BLACAT1: variants seen among roughly 807,000 people sequenced by gnomAD.
BLACAT1 encodes the protein bladder cancer associated transcript 1.
chr1:205,436,304 T>C (rs1666203341), downstream of BLACAT1: 5 of 152,168 alleles, frequency 3.3e-5, no homozygotes, highest in Admixed American at 3.3e-4. Flanking sequence ...TCTTCCTCAG[T>C]ATGACGACTT....
At chr1:205,451,854 A>G (rs1558747782) in intron 1 of BLACAT1, among the ~76,000 whole-genome samples, 1 of 152,150 alleles carries the variant, frequency 6.6e-6, no homozygotes. Flanking sequence ...TAGATGAGAA[A>G]ACTGAGGTTG....
In BLACAT1 at chr1:205,443,702, T is replaced by TA. The variant is rs560328235; in HGVS notation, c.-36-2641dup. 2.2e-4 allele frequency among the ~76,000 whole-genome samples: 33 copies of TA among 152,326 alleles called. 1 individual carries two copies. The East Asian group carries it at 5.8e-3, about 27-fold the overall frequency. On this transcript the variant is annotated intron_variant, in intron 1 of 1. Coordinates refer to ENST00000629624, the Ensembl canonical transcript of BLACAT1. ...CCTTCCTCTTCTCTAACAGGGTCTCTAAAAGGGTCCTCACTGTAAGGTGCA... is the reference window on the plus strand; with the variant it reads ...CCTTCCTCTTCTCTAACAGGGTCTCTAAAAAGGGTCCTCACTGTAAGGTGCA...
downstream of BLACAT1, among the ~76,000 whole-genome samples, chr1:205,438,790 T>G (rs1046437417): frequency 2.0e-5 from 3 of 151,936 alleles, no homozygotes; most frequent in African/African-American, 4.8e-5. Context: ...GCTCAAGATA[T>G]CTAGTATCCC....
Position 205,450,148 on chromosome 1 carries a change from A to G in BLACAT1, c.-37+5769T>C, listed in dbSNP as rs1666474188. ...GGCTGGGCAGGCGGGGCAGCCAGGT[A>G]TTCCTTCAACCCTGACTTGGGCCTG... On this transcript the variant is annotated intron_variant, in intron 1 of 1. Transcript: ENST00000629624. The surrounding 1 kb of genome is among the most constrained non-coding windows in gnomAD (Gnocchi z 4.4). Among the ~76,000 whole-genome samples the G allele has an allele frequency of 1.3e-5, 2 of 151,954 alleles. No homozygotes were observed. Among genetic ancestry groups the G allele is most frequent in the Non-Finnish European group, 2.9e-5 (2 of 67,974 alleles).
At chr1:205,453,531 TGA>T (rs1291125852) in intron 1 of BLACAT1, among the ~76,000 whole-genome samples, 1 of 152,206 alleles carries the variant, frequency 6.6e-6, no homozygotes, top group East Asian at 1.9e-4. Context: ...GCCTCAGTTC[TGA>T]GACTTCCCAG....
At chr1:205,438,816 G>A (rs1260931450), downstream of BLACAT1, among the ~76,000 whole-genome samples, 1 of 152,074 alleles carries the variant, frequency 6.6e-6, no homozygotes, top group Admixed American at 6.6e-5. Context: ...AGCCAAGGGA[G>A]TTCTCCCGGG....
At chr1:205,447,973 G>A (rs550248021) in intron 1 of BLACAT1, among the ~76,000 whole-genome samples, 14 of 152,308 alleles carry the variant, frequency 9.2e-5, no homozygotes, top group African/African-American at 3.4e-4. Context: ...TGAGGCCCTT[G>A]ACTTCAGCCC....
downstream of BLACAT1, chr1:205,437,904 A>G (rs573947354): frequency 2.6e-5 from 4 of 152,298 alleles, no homozygotes; most frequent in East Asian, 7.7e-4. Flanking sequence ...TGTGTATTTC[A>G]GTTAGTTAAT....
Position 205,448,424 on chromosome 1 carries a change from T to C in BLACAT1, c.-36-7362A>G, listed in dbSNP as rs775323806. 9.4e-6 allele frequency: 5 copies of C among 533,192 alleles called. No individual in the cohort carries two copies. Among genetic ancestry groups the C allele is most frequent in the Admixed American group, 1.9e-5 (1 of 51,402 alleles). The allele number at this position is 533,192 out of a possible 1,614,324, so 33.0% of individuals were successfully genotyped here. On this transcript the variant is annotated intron_variant, in intron 1 of 1. Coordinates refer to ENST00000629624, the Ensembl canonical transcript of BLACAT1. This position sits in a 1 kb window ranked among gnomAD's most constrained non-coding sequence, Gnocchi z 4.7. ...GAGGGGTCCAGCGGCAGGAATCTCA[T>C]AGGGAAGCGAGAAGCTGGGGCACCC...
At position 205,448,449 on chromosome 1, in the gene BLACAT1, C is replaced by G. The variant is rs1030774600; in HGVS notation, c.-36-7387G>C. 9 of 529,210 alleles carry G rather than the reference C, an allele frequency of 1.7e-5. No homozygotes were observed. Among genetic ancestry groups the G allele is most frequent in the African/African-American group, 1.2e-4 (6 of 51,772 alleles). The allele number at this position is 529,210 out of a possible 1,614,324, so 32.8% of individuals were successfully genotyped here. A position where few individuals can be genotyped will look rare whatever the true frequency, so the allele number is the denominator to read the frequency against. The stretch of plus-strand genomic sequence containing the variant: ...TAGGGAAGCGAGAAGCTGGGGCACC[C>G]GAGAAGCCCTCACTCCCCTTCTCAG... On this transcript the variant is annotated intron_variant, in intron 1 of 1. Coordinates refer to ENST00000629624, the Ensembl canonical transcript of BLACAT1. This position sits in a 1 kb window ranked among gnomAD's most constrained non-coding sequence, Gnocchi z 4.7.
chr1:205,447,573 AAG>A (rs1491367485), intron 1 of BLACAT1, among the ~76,000 whole-genome samples: 1 of 152,008 alleles, frequency 6.6e-6, no homozygotes, highest in African/African-American at 2.4e-5. Context: ...GCCGATTTAA[AAG>A]GGGGCAGGGG....
rs1351574437 is a variant in BLACAT1 at position 205,450,873 on chromosome 1, C to T, written c.-37+5044G>A. Among the ~76,000 whole-genome samples, 1 of 152,220 alleles carries T rather than the reference C, an allele frequency of 6.6e-6. No homozygotes were observed. The highest frequency in any genetic ancestry group is 6.5e-5 in the Admixed American group (1 of 15,284). On this transcript the variant is annotated intron_variant, in intron 1 of 1. Transcript: ENST00000629624. This position sits in a 1 kb window ranked among gnomAD's most constrained non-coding sequence, Gnocchi z 4.4. ...TGGAGAAAGAGGAAGCAGGTCAAGC[C>T]TCACCTCCTTTCCCGAGGAAAACCC...
At chr1:205,435,386 C>T (rs761362391), downstream of BLACAT1, 1 of 152,178 alleles carries the variant, frequency 6.6e-6, no homozygotes, top group East Asian at 1.9e-4. Context: ...TTCATTAGAC[C>T]CTGTCTTCAA....
chr1:205,443,057 G>A (rs1666321651), intron 1 of BLACAT1, among the ~76,000 whole-genome samples: 1 of 152,218 alleles, frequency 6.6e-6, no homozygotes, highest in Non-Finnish European at 1.5e-5. Context: ...GGGAGGGAGG[G>A]CAGGTGGATT....
intron 1 of BLACAT1, among the ~76,000 whole-genome samples, chr1:205,445,788 G>GACCA (rs1217805589): frequency 1.3e-5 from 2 of 152,202 alleles, no homozygotes; most frequent in African/African-American, 4.8e-5. Flanking sequence ...GAACCTGGTG[G>GACCA]ACCAGACTGT....
Position 205,448,206 on chromosome 1 carries a change from C to A in BLACAT1, c.-36-7144G>T. 1 of 452,946 alleles carries A rather than the reference C, an allele frequency of 2.2e-6. No homozygotes were observed. Among genetic ancestry groups the A allele is most frequent in the Non-Finnish European group, 4.6e-6 (1 of 218,826 alleles). The allele number at this position is 452,946 out of a possible 1,614,324, so 28.1% of individuals were successfully genotyped here. A position where few individuals can be genotyped will look rare whatever the true frequency, so the allele number is the denominator to read the frequency against. On this transcript the variant is annotated intron_variant, in intron 1 of 1. Coordinates refer to ENST00000629624, the Ensembl canonical transcript of BLACAT1. The surrounding 1 kb of genome is among the most constrained non-coding windows in gnomAD (Gnocchi z 4.7). The stretch of plus-strand genomic sequence containing the variant: ...AGCCCCGATCCCAGGTTACCAGATC[C>A]CGTGATGCCCCACCCCCAAGCAAAG...
intron 1 of BLACAT1, among the ~76,000 whole-genome samples, chr1:205,452,033 G>A (rs1336816127): frequency 6.6e-6 from 1 of 152,080 alleles, no homozygotes; most frequent in Non-Finnish European, 1.5e-5. Flanking sequence ...AGAGATGAGG[G>A]GGCCTGGGGC....
At chr1:205,446,346 T>A (rs1666389209) in intron 1 of BLACAT1, among the ~76,000 whole-genome samples, 1 of 152,238 alleles carries the variant, frequency 6.6e-6, no homozygotes, top group South Asian at 2.1e-4. Flanking sequence ...GGGCTTGCTC[T>A]ATGTCCCTGC....
chr1:205,454,563 A>C (rs1666540101), intron 1 of BLACAT1, among the ~76,000 whole-genome samples: 1 of 151,752 alleles, frequency 6.6e-6, no homozygotes, highest in Non-Finnish European at 1.5e-5. Flanking sequence ...AGAGAGAGAG[A>C]GAGATCCTCT....
Sources: gnomAD v4.1 joint callset for allele counts (sites outside exome capture counted in the v4.1 genomes callset) on GRCh38, gnomAD v4.1.1 for gene constraint, Gnocchi (gnomAD v3.1) non-coding constraint, MANE v1.5 for transcripts, NCBI Gene and HGNC (gene_info 2026-07-23, HGNC 2026-07-21) for gene names.